Variants in TSPAN9 observed in about 807,000 individuals in gnomAD.
The protein encoded by TSPAN9 is tetraspanin-9.
Under a neutral mutation model 31.0 loss-of-function variants are expected in TSPAN9, and 16 were observed. The ratio of observed to expected loss-of-function variants is 0.52; its 90% CI spans 0.35 to 0.78. The LOEUF is 0.78. Among genes scored for constraint, TSPAN9 ranks in the 30% least tolerant of loss-of-function variants. The probability of loss-of-function intolerance (pLI) is 0.01; values close to 1 mark genes in which losing one functional copy is unlikely to be tolerated. For missense variants in TSPAN9, 272 were observed against 312.5 expected (o/e 0.87, Z 0.98); for synonymous variants, 145 against 121.6 (o/e 1.19, Z -1.27).
intron 3 of TSPAN9, among the ~76,000 whole-genome samples, chr12:3,267,924 C>T (rs928569140): frequency 3.3e-5 from 5 of 152,306 alleles, no homozygotes; most frequent in African/African-American, 7.2e-5. Flanking sequence ...TTACTGGGTG[C>T]GGGCGGCCTG....
At chr12:3,264,800 G>A (rs1295461908) in intron 3 of TSPAN9, among the ~76,000 whole-genome samples, 1 of 152,236 alleles carries the variant, frequency 6.6e-6, no homozygotes, top group Non-Finnish European at 1.5e-5. Flanking sequence ...TCCTGACGAC[G>A]ACTCTATGTG....
chr12:3,203,482 C>T (rs775384052), intron 3 of TSPAN9, among the ~76,000 whole-genome samples: 1 of 152,182 alleles, frequency 6.6e-6, no homozygotes, highest in African/African-American at 2.4e-5. Flanking sequence ...AAAACCTTGG[C>T]AGAGGTTAAT....
At chr12:3,244,835 G>C (rs753202139) in intron 3 of TSPAN9, among the ~76,000 whole-genome samples, 1 of 152,106 alleles carries the variant, frequency 6.6e-6, no homozygotes, top group East Asian at 1.9e-4. Context: ...CGGGAGCCTC[G>C]AGGGTTTTCC....
At chr12:3,227,640 C>T (rs912557522) in intron 3 of TSPAN9, among the ~76,000 whole-genome samples, 3 of 152,180 alleles carry the variant, frequency 2.0e-5, no homozygotes, top group Non-Finnish European at 4.4e-5. Context: ...GTGCCAGGCC[C>T]GGCCCCAGCC....
chr12:3,196,131 T>C (rs901183774), intron 2 of TSPAN9, among the ~76,000 whole-genome samples: 4 of 152,172 alleles, frequency 2.6e-5, no homozygotes, highest in African/African-American at 9.7e-5. Flanking sequence ...CAATGGATGG[T>C]GTGCTCATGG....
At chr12:3,166,421 G>A (rs1300672897) in intron 2 of TSPAN9, among the ~76,000 whole-genome samples, 3 of 152,134 alleles carry the variant, frequency 2.0e-5, no homozygotes, top group East Asian at 3.9e-4. Context: ...AAGCTGGAAG[G>A]TTCCTTAGAG....
At chr12:3,207,633 C>T (rs963799340) in intron 3 of TSPAN9, among the ~76,000 whole-genome samples, 13 of 152,232 alleles carry the variant, frequency 8.5e-5, no homozygotes, top group Non-Finnish European at 4.4e-5. Context: ...TCTACCTCCT[C>T]TCCTGTGCGC....
chr12:3,209,958 CAAAAAAAAAAAA>C (rs57719008), intron 3 of TSPAN9, among the ~76,000 whole-genome samples: 7,753 of 49,744 alleles, frequency 0.16, 593 homozygotes, highest in African/African-American at 0.33. Context: ...GACTCTGTCC[CAAAAAAAAAAAA>C]AAAAAAAAAA....
intron 2 of TSPAN9, among the ~76,000 whole-genome samples, chr12:3,175,316 G>A (rs1287476633): frequency 6.6e-6 from 1 of 152,138 alleles, no homozygotes; most frequent in Non-Finnish European, 1.5e-5. Flanking sequence ...CCTGGAGGTG[G>A]GAGTGAGACA....
intron 2 of TSPAN9, among the ~76,000 whole-genome samples, chr12:3,139,089 G>T (rs558645723): frequency 6.6e-6 from 1 of 152,084 alleles, no homozygotes; most frequent in Non-Finnish European, 1.5e-5. Flanking sequence ...TGGCCCAAGT[G>T]CTCAGTTTTC....
chr12:3,195,462 G>A (rs1407276343), intron 2 of TSPAN9, among the ~76,000 whole-genome samples: 1 of 152,190 alleles, frequency 6.6e-6, no homozygotes. Context: ...AAGTCAGGCT[G>A]CCTTGTTCAC....
intron 3 of TSPAN9, among the ~76,000 whole-genome samples, chr12:3,202,712 G>A (rs2098372660): frequency 6.6e-6 from 1 of 152,148 alleles, no homozygotes; most frequent in South Asian, 2.1e-4. Flanking sequence ...GGTGTGGGCT[G>A]CTTTTCCAAG....
intron 3 of TSPAN9, among the ~76,000 whole-genome samples, chr12:3,233,611 T>C (rs2098391902): frequency 6.6e-6 from 1 of 152,258 alleles, no homozygotes; most frequent in Admixed American, 6.5e-5. Flanking sequence ...GTAATGTTTG[T>C]ACTTGTAGTT....
At chr12:3,133,141 G>C (rs931870683) in intron 2 of TSPAN9, among the ~76,000 whole-genome samples, 1 of 152,134 alleles carries the variant, frequency 6.6e-6, no homozygotes, top group Admixed American at 6.5e-5. Context: ...GAGCAGATGC[G>C]TGAGGTATTT....
chr12:3,278,998 A>G lies in TSPAN9; in HGVS notation c.262A>G (p.Ile88Val), dbSNP rs1022296216. ...CTGGCCCTTTCCTTTCCAGTTTTTC[A>G]TCGTCCTGTTGGTCATCCTCCTAGC... ...ENKCLLLSFF[I>V]VLLVILLAEL... Residue 88 changes from isoleucine (I) to valine (V), a missense_variant, in exon 5 of 9, where the codon ATC becomes GTC. Physicochemically the swap from Ile to Val is conservative, Grantham distance 29. Transcript: ENST00000011898. The G allele has an allele frequency of 5.6e-6, 9 of 1,613,860 alleles. No individual in the cohort carries two copies. The African/African-American group carries it at 1.1e-4, about 19-fold the overall frequency.
chr12:3,116,852 C>T (rs535825341), intron 2 of TSPAN9, among the ~76,000 whole-genome samples: 19 of 152,296 alleles, frequency 1.2e-4, no homozygotes, highest in African/African-American at 4.6e-4. Context: ...CAGATAACTT[C>T]ATTTCTAAAC....
At chr12:3,276,856 G>A (rs1392215245) in intron 3 of TSPAN9, among the ~76,000 whole-genome samples, 1 of 152,156 alleles carries the variant, frequency 6.6e-6, no homozygotes, top group Non-Finnish European at 1.5e-5. Context: ...ATAAGCGAAG[G>A]AGATGCCCTT....
chr12:3,200,875 G>T, intron 2 of TSPAN9: 1 of 296,926 alleles, frequency 3.4e-6, no homozygotes, highest in Non-Finnish European at 6.2e-6. Flanking sequence ...TCCCATTCTG[G>T]GAGCGATGCC....
intron 2 of TSPAN9, among the ~76,000 whole-genome samples, chr12:3,161,813 A>G (rs76933660): frequency 0.011 from 1,446 of 128,278 alleles, 18 homozygotes; most frequent in African/African-American, 0.03. Context: ...CTATCTATCT[A>G]TCTGTCTGTC....
Sources: allele counts gnomAD v4.1 joint callset (sites outside exome capture counted in the v4.1 genomes callset), GRCh38; gene constraint gnomAD v4.1.1; transcripts MANE v1.5; gene names NCBI Gene and HGNC (gene_info 2026-07-23, HGNC 2026-07-21).